The following MSR1 variants were observed in gnomAD, a reference collection of about 807,000 sequenced individuals.
MSR1 encodes macrophage scavenger receptor types I and II.
Under a neutral mutation model 47.2 loss-of-function variants are expected in MSR1, and 53 were observed. That is an observed-to-expected ratio of 1.12 (90% CI 0.90 to 1.41). MSR1 has a LOEUF of 1.41. MSR1 is among the 40% of genes most tolerant of loss of function. MSR1 has a pLI of 0.00. For synonymous variants in MSR1, 239 were observed against 185.6 expected, an observed-to-expected ratio of 1.29 and a Z score of -2.34; for missense variants, 786 against 546.9, an observed-to-expected ratio of 1.44 and a Z score of -4.36.
rs999380787 is a variant in MSR1, at chr8:16,143,544, T to C, written c.1033+14A>G. 1.2e-6 allele frequency: 2 copies of C among 1,608,860 alleles called. No homozygotes were observed. The highest frequency in any genetic ancestry group is 1.7e-6 in the Non-Finnish European group (2 of 1,175,888). The stretch of plus-strand genomic sequence containing the variant: ...ACAAGAATTCACACAGAAAACAAAA[T>C]ACTATATACTTACTTAATGTGTTTC... On this transcript the variant is annotated intron_variant, in intron 8 of 9. Transcript: ENST00000262101.
chr8:16,184,204 T>A (rs1174630048), intron 1 of MSR1, among the ~76,000 whole-genome samples: 1 of 151,976 alleles, frequency 6.6e-6, no homozygotes, highest in East Asian at 1.9e-4. Context: ...AAGCCAAGTG[T>A]CCCTTTTATT....
intron 3 of MSR1, among the ~76,000 whole-genome samples, chr8:16,173,811 G>T (rs1158573778): frequency 2.0e-5 from 3 of 152,024 alleles, no homozygotes; most frequent in Non-Finnish European, 4.4e-5. Context: ...ACCACTCCTG[G>T]CTAATTTTTT....
chr8:16,166,895 G>A (rs1801327259), intron 4 of MSR1, among the ~76,000 whole-genome samples: 1 of 151,312 alleles, frequency 6.6e-6, no homozygotes, highest in African/African-American at 2.4e-5. Context: ...TCAAGCAATG[G>A]GGATGAGCGT....
At chr8:16,162,973 T>A (rs1431928809) in intron 5 of MSR1, among the ~76,000 whole-genome samples, 2 of 151,992 alleles carry the variant, frequency 1.3e-5, no homozygotes, top group Non-Finnish European at 2.9e-5. Flanking sequence ...TAAACTGTAC[T>A]AAAATATTAG....
chr8:16,125,095 A>G (rs1005218670), intron 8 of MSR1, among the ~76,000 whole-genome samples: 3 of 152,104 alleles, frequency 2.0e-5, no homozygotes, highest in Non-Finnish European at 4.4e-5. Flanking sequence ...TTTTGGTGGG[A>G]GGCTCTGATC....
In MSR1 at chr8:16,185,195, C is replaced by T. The variant is rs542190122; in HGVS notation, c.-4-7203G>A. ...CTCACATTCATCAGAGATAATGAAG[C>T]CATAGGATTTGTGGCATTTTCTGAT... On this transcript the variant is annotated intron_variant, in intron 1 of 9. Coordinates refer to ENST00000262101, the MANE Select transcript of MSR1 (RefSeq NM_138715.3). 2.0e-5 allele frequency among the ~76,000 whole-genome samples: 3 copies of T among 152,024 alleles called. No homozygotes were observed. The East Asian group carries it at 5.8e-4, about 29-fold the overall frequency.
Position 16,164,172 on chromosome 8 carries a change from T to C in MSR1, c.710A>G (p.Glu237Gly). The C allele has an allele frequency of 1.2e-6, 2 of 1,612,306 alleles. No individual in the cohort carries two copies. The highest frequency in any genetic ancestry group is 1.7e-6 in the Non-Finnish European group (2 of 1,178,836). ...TTTCACTTCTCCTTTTATTTCCTGT[T>C]CCAAATGCACTTGTTCTTCTTTCAT... ...MAMKEEQVHL[E>G]QEIKGEVKVL... The change falls in exon 5 of 10, where the codon GAA becomes GGA. Residue 237 changes from glutamate (E) to glycine (G), a missense_variant. Coordinates refer to ENST00000262101, the MANE Select transcript of MSR1 (RefSeq NM_138715.3).
chr8:16,142,885 C>A (rs1007549275), intron 8 of MSR1, among the ~76,000 whole-genome samples: 8 of 152,140 alleles, frequency 5.3e-5, no homozygotes, highest in African/African-American at 1.7e-4. Context: ...GGATTCCACA[C>A]TCCTCTTCAT....
At chr8:16,165,076 A>G (rs941547258) in intron 4 of MSR1, among the ~76,000 whole-genome samples, 3 of 152,090 alleles carry the variant, frequency 2.0e-5, no homozygotes, top group Non-Finnish European at 4.4e-5. Context: ...TCTACAACTA[A>G]ACAATGCTGC....
At chr8:16,135,962 G>A (rs1800379214) in intron 8 of MSR1, among the ~76,000 whole-genome samples, 2 of 152,042 alleles carry the variant, frequency 1.3e-5, no homozygotes, top group Admixed American at 1.3e-4. Context: ...AAACTTGAAT[G>A]GATTAGGGGT....
intron 4 of MSR1, among the ~76,000 whole-genome samples, chr8:16,166,561 T>C (rs1157077573): frequency 1.3e-5 from 2 of 152,070 alleles, no homozygotes; most frequent in African/African-American, 4.8e-5. Context: ...AGGAAAAGTG[T>C]ATTTAATTTC....
At chr8:16,112,114 C>G (rs954340277) in intron 9 of MSR1, among the ~76,000 whole-genome samples, 2 of 152,100 alleles carry the variant, frequency 1.3e-5, no homozygotes, top group African/African-American at 4.8e-5. Context: ...GCCTCTGATT[C>G]TTATTCTGGT....
At chr8:16,159,970 A>G (rs1326480754) in intron 5 of MSR1, among the ~76,000 whole-genome samples, 1 of 152,060 alleles carries the variant, frequency 6.6e-6, no homozygotes, top group Non-Finnish European at 1.5e-5. Context: ...TACTGGGTAC[A>G]TTAGAATCAC....
At chr8:16,171,369 T>A (rs2117191028) in intron 3 of MSR1, among the ~76,000 whole-genome samples, 1 of 152,334 alleles carries the variant, frequency 6.6e-6, no homozygotes, top group Admixed American at 6.5e-5. Context: ...CTTGTTTTAT[T>A]AATTTAATAT....
At chr8:16,133,167 T>C (rs1484580338) in intron 8 of MSR1, among the ~76,000 whole-genome samples, 1 of 152,160 alleles carries the variant, frequency 6.6e-6, no homozygotes, top group Non-Finnish European at 1.5e-5. Context: ...AAAATATAAA[T>C]TTTACTTCTC....
intron 5 of MSR1, among the ~76,000 whole-genome samples, chr8:16,156,495 C>T (rs1290004542): frequency 6.6e-6 from 1 of 151,844 alleles, no homozygotes; most frequent in Non-Finnish European, 1.5e-5. Context: ...GTTTTAGAGG[C>T]CCAAGATATC....
At chr8:16,181,163 C>T (rs528083713) in intron 1 of MSR1, among the ~76,000 whole-genome samples, 4 of 152,102 alleles carry the variant, frequency 2.6e-5, no homozygotes, top group African/African-American at 9.6e-5. Flanking sequence ...TAGCAAAATT[C>T]ACTTTAAAAT....
chr8:16,163,070 C>A (rs1801205752), intron 5 of MSR1, among the ~76,000 whole-genome samples: 1 of 151,960 alleles, frequency 6.6e-6, no homozygotes, highest in South Asian at 2.1e-4. Context: ...CAACTTTAGA[C>A]TTCAAGATAA....
chr8:16,182,851 G>A (rs570250343), intron 1 of MSR1, among the ~76,000 whole-genome samples: 2 of 152,144 alleles, frequency 1.3e-5, no homozygotes, highest in Non-Finnish European at 2.9e-5. Context: ...TAATGATTAA[G>A]AAGTATAATA....
Sources: gnomAD v4.1 joint callset for allele counts (sites outside exome capture counted in the v4.1 genomes callset) on GRCh38, gnomAD v4.1.1 for gene constraint, MANE v1.5 for transcripts, NCBI Gene and HGNC (gene_info 2026-07-23, HGNC 2026-07-21) for gene names.